The following GPC5 variants were observed in gnomAD, a reference collection of about 807,000 sequenced individuals.
GPC5 encodes the protein glypican 5.
Under a neutral mutation model 53.9 loss-of-function variants are expected in GPC5, and 47 were observed. The observed-to-expected ratio is 0.87, with a 90% CI of 0.69 to 1.11. The LOEUF (loss-of-function observed/expected upper bound fraction) is 1.11, where lower values mean the gene tolerates loss of function less well. Ranked by LOEUF, GPC5 falls within the 50% of genes most tolerant of loss-of-function variation. The pLI is 0.00. For missense variants in GPC5, 748 were observed against 713.1 expected (o/e 1.05, Z -0.56); for synonymous variants, 286 against 263.3 (o/e 1.09, Z -0.84).
intron 7 of GPC5, among the ~76,000 whole-genome samples, chr13:92,513,794 C>A (rs918613189): frequency 6.6e-6 from 1 of 152,022 alleles, no homozygotes; most frequent in African/African-American, 2.4e-5. Flanking sequence ...ATACACATAG[C>A]CTGAAGGTAA....
chr13:91,965,228 T>A (rs1233092229), intron 6 of GPC5, among the ~76,000 whole-genome samples: 1 of 152,004 alleles, frequency 6.6e-6, no homozygotes, highest in Non-Finnish European at 1.5e-5. Flanking sequence ...ACTTAAAGTA[T>A]AATAATATAA....
At chr13:92,491,942 A>C (rs1879778561) in intron 7 of GPC5, among the ~76,000 whole-genome samples, 1 of 152,140 alleles carries the variant, frequency 6.6e-6, no homozygotes, top group African/African-American at 2.4e-5. Flanking sequence ...TAGCCTTCAT[A>C]ATTGCAGAAT....
intron 7 of GPC5, among the ~76,000 whole-genome samples, chr13:92,164,502 C>T (rs1318009328): frequency 6.6e-6 from 1 of 152,238 alleles, no homozygotes; most frequent in African/African-American, 2.4e-5. Context: ...CCAGGTCACA[C>T]TGATGCAAGA....
intron 2 of GPC5, among the ~76,000 whole-genome samples, chr13:91,529,228 C>G (rs1355298860): frequency 1.3e-5 from 2 of 152,048 alleles, no homozygotes; most frequent in East Asian, 3.8e-4. Flanking sequence ...CATATCCTGC[C>G]TTCATAAAAA....
chr13:92,017,806 G>A lies in GPC5; in HGVS notation c.1401+109749G>A, dbSNP rs140560136. Reference sequence around the variant, plus strand: ...CACACACACGCATGAGTACACACACGCATGAGTACACACACGCATGAGCAC... The same window carrying A: ...CACACACACGCATGAGTACACACACACATGAGTACACACACGCATGAGCAC... On this transcript the variant is annotated intron_variant, in intron 6 of 7. Transcript: ENST00000377067. Among the ~76,000 whole-genome samples the A allele has an allele frequency of 2.9e-3, 436 of 149,072 alleles. 1 individual carries two copies. Among genetic ancestry groups the A allele is most frequent in the African/African-American group, 0.01 (408 of 40,440 alleles).
intron 7 of GPC5, among the ~76,000 whole-genome samples, chr13:92,398,428 C>CAAAAAAAAAAAAAAAAAAAAAAAAAA (rs35873316): frequency 6.8e-5 from 6 of 87,652 alleles, no homozygotes; most frequent in South Asian, 4.0e-4. Flanking sequence ...GACTCCGTCT[C>CAAAAAAAAAAAAAAAAAAAAAAAAAA]AAAAAAAAAA....
chr13:92,356,730 G>T (rs948678961), intron 7 of GPC5, among the ~76,000 whole-genome samples: 1 of 152,134 alleles, frequency 6.6e-6, no homozygotes, highest in African/African-American at 2.4e-5. Flanking sequence ...TAGGTTTAGA[G>T]GTACATATGC....
At chr13:91,856,215 A>C (rs1233937264) in intron 5 of GPC5, among the ~76,000 whole-genome samples, 4 of 151,492 alleles carry the variant, frequency 2.6e-5, no homozygotes, top group Non-Finnish European at 5.9e-5. Context: ...ATTTAAAAAA[A>C]CATATTTTTC....
At chr13:91,528,692 A>C (rs780836981) in intron 2 of GPC5, among the ~76,000 whole-genome samples, 2 of 152,192 alleles carry the variant, frequency 1.3e-5, no homozygotes, top group Admixed American at 6.5e-5. Flanking sequence ...TCACACTGCT[A>C]TAAAGAACCC....
At chr13:91,569,262 C>T (rs937954199) in intron 2 of GPC5, among the ~76,000 whole-genome samples, 1 of 152,004 alleles carries the variant, frequency 6.6e-6, no homozygotes, top group African/African-American at 2.4e-5. Flanking sequence ...TGATATTGGG[C>T]CACCTATCTA....
intron 1 of GPC5, among the ~76,000 whole-genome samples, chr13:91,429,047 G>A (rs559951502): frequency 2.6e-5 from 4 of 152,186 alleles, no homozygotes; most frequent in African/African-American, 9.6e-5. Flanking sequence ...AGCCTCCCAA[G>A]TAGCTGGGAT....
chr13:92,080,609 G>A (rs942825393), intron 6 of GPC5, among the ~76,000 whole-genome samples: 16 of 151,940 alleles, frequency 1.1e-4, no homozygotes, highest in Admixed American at 7.9e-4. Flanking sequence ...TCATCACCAC[G>A]GCTGTGATCT....
Position 92,399,234 on chromosome 13 carries a change from C to G in GPC5, c.1561+254245C>G, listed in dbSNP as rs192066991. On this transcript the variant is annotated intron_variant, in intron 7 of 7. Coordinates refer to ENST00000377067, the MANE Select transcript of GPC5 (RefSeq NM_004466.6). ...TACAGAGATGAATAAATTAGGGTAC[C>G]TACTCTAAAACTCACATAATTTAGA... 1.2e-3 allele frequency among the ~76,000 whole-genome samples: 183 copies of G among 152,200 alleles called. 1 individual carries two copies. The highest frequency in any genetic ancestry group is 1.1e-3 in the Non-Finnish European group (75 of 68,022).
intron 7 of GPC5, among the ~76,000 whole-genome samples, chr13:92,852,034 T>A (rs1349441560): frequency 2.0e-5 from 3 of 152,150 alleles, no homozygotes. Flanking sequence ...TATTCCTCGC[T>A]GGTCCCAGAG....
intron 6 of GPC5, among the ~76,000 whole-genome samples, chr13:92,096,478 G>T (rs2041423110): frequency 6.6e-6 from 1 of 152,154 alleles, no homozygotes; most frequent in Non-Finnish European, 1.5e-5. Flanking sequence ...TAGGTTACAT[G>T]GTGCCATGGT....
intron 7 of GPC5, among the ~76,000 whole-genome samples, chr13:92,675,663 A>T (rs1886914025): frequency 6.6e-6 from 1 of 152,074 alleles, no homozygotes; most frequent in Admixed American, 6.6e-5. Context: ...CTATAGGACT[A>T]AAGTTTCTTA....
intron 7 of GPC5, among the ~76,000 whole-genome samples, chr13:92,420,636 C>G (rs900396799): frequency 2.6e-5 from 4 of 152,088 alleles, no homozygotes; most frequent in Non-Finnish European, 5.9e-5. Flanking sequence ...CTCCCTCTCA[C>G]CCCCTTACTA....
chr13:92,062,605 T>C (rs899904222), intron 6 of GPC5, among the ~76,000 whole-genome samples: 2 of 152,050 alleles, frequency 1.3e-5, no homozygotes, highest in Non-Finnish European at 2.9e-5. Context: ...TGAACATTAA[T>C]TGAATATGCA....
intron 7 of GPC5, among the ~76,000 whole-genome samples, chr13:92,358,508 T>C (rs1325863070): frequency 6.6e-6 from 1 of 151,688 alleles, no homozygotes; most frequent in Non-Finnish European, 1.5e-5. Context: ...AACCCCACAT[T>C]TCCCCTGTGC....
Sources: gnomAD v4.1 joint callset for allele counts (sites outside exome capture counted in the v4.1 genomes callset) on GRCh38, gnomAD v4.1.1 for gene constraint, MANE v1.5 for transcripts, NCBI Gene and HGNC (gene_info 2026-07-23, HGNC 2026-07-21) for gene names.